LRP1B: variants seen among roughly 807,000 people sequenced by gnomAD.
LRP1B encodes the protein low-density lipoprotein receptor-related protein 1B.
In LRP1B, 217 loss-of-function variants were observed where a neutral mutation model predicts 556.6. The observed-to-expected ratio is 0.39, with a 90% CI of 0.35 to 0.44. The LOEUF is 0.44. Ranked by LOEUF, LRP1B falls within the 20% of genes least tolerant of loss-of-function variation. LRP1B has a pLI of 1.00. For missense variants in LRP1B, 5,053 were observed against 5,620.8 expected (o/e 0.90, Z 3.23); for synonymous variants, 2,047 against 1,865.8 (o/e 1.10, Z -2.50).
At chr2:140,435,065 G>C (rs1410167312) in intron 66 of LRP1B, among the ~76,000 whole-genome samples, 1 of 152,054 alleles carries the variant, frequency 6.6e-6, no homozygotes, top group Non-Finnish European at 1.5e-5. Context: ...AAGCAAAACT[G>C]AGTAATAGCT....
chr2:141,422,797 C>A (rs946422915), intron 3 of LRP1B, among the ~76,000 whole-genome samples: 1 of 152,080 alleles, frequency 6.6e-6, no homozygotes, highest in Non-Finnish European at 1.5e-5. Context: ...TCTCAGTATG[C>A]CAAGCTATTT....
intron 2 of LRP1B, among the ~76,000 whole-genome samples, chr2:141,529,109 G>A (rs1365059560): frequency 6.6e-6 from 1 of 152,188 alleles, no homozygotes; most frequent in Non-Finnish European, 1.5e-5. Context: ...CGTGAAGCCT[G>A]GCCTGTGGCC....
chr2:141,176,369 G>A (rs1049953214), intron 7 of LRP1B, among the ~76,000 whole-genome samples: 5 of 151,996 alleles, frequency 3.3e-5, no homozygotes, highest in African/African-American at 1.2e-4. Flanking sequence ...GGATCATGAG[G>A]GAAGATTTCC....
At chr2:140,715,841 A>AT (rs983564636) in intron 37 of LRP1B, 132 bp downstream of exon 37, 1 of 161,490 alleles carries the variant, frequency 6.2e-6, no homozygotes, top group Non-Finnish European at 1.3e-5. Context: ...GAATATAAAC[A>AT]TTTTTTTCTG....
intron 18 of LRP1B, among the ~76,000 whole-genome samples, chr2:140,977,364 C>T (rs1186249617): frequency 6.6e-6 from 1 of 152,128 alleles, no homozygotes; most frequent in African/African-American, 2.4e-5. Flanking sequence ...TCCAGTTAAA[C>T]CTCTTTCTTT....
In LRP1B at chr2:141,923,446, ATGTG is replaced by A. The variant is rs56356725; in HGVS notation, c.83-113049_83-113046del. On this transcript the variant is annotated intron_variant, in intron 1 of 90. Transcript: ENST00000389484. ...ATAGTGACAAAGAGATTATATATAT[ATGTG>A]TGTGTGTGTGTGTGTGTGTGTGTGT... is the stretch of plus-strand genomic sequence containing the variant. 8.3e-3 allele frequency among the ~76,000 whole-genome samples: 679 copies of A among 81,650 alleles called. 8 individuals carry two copies. Among genetic ancestry groups the A allele is most frequent in the African/African-American group, 0.024 (514 of 21,078 alleles). 53.6% of individuals were successfully genotyped at this position (81,650 alleles called of 152,430 possible).
intron 17 of LRP1B, among the ~76,000 whole-genome samples, chr2:140,987,245 G>A (rs745886975): frequency 4.6e-5 from 7 of 151,998 alleles, no homozygotes; most frequent in Admixed American, 1.3e-4. Context: ...ATATACTGAC[G>A]AAAAGATCTA....
At chr2:141,127,073 T>C (rs1163729872) in intron 7 of LRP1B, among the ~76,000 whole-genome samples, 2 of 149,276 alleles carry the variant, frequency 1.3e-5, no homozygotes, top group Non-Finnish European at 3.0e-5. Flanking sequence ...TGTGTTCTCA[T>C]TGTTCAGCTC....
At chr2:141,948,623 G>A (rs868645597) in intron 1 of LRP1B, among the ~76,000 whole-genome samples, 1 of 151,926 alleles carries the variant, frequency 6.6e-6, no homozygotes, top group Non-Finnish European at 1.5e-5. Context: ...AACTCTTGAT[G>A]AGCATTGAAG....
chr2:141,331,522 C>CTTTCTT lies in LRP1B; in HGVS notation c.344-76882_344-76881insAAGAAA, dbSNP rs10694161. Reference sequence around the variant, plus strand: ...TCTTTCCTTCTTTCTTTCTTTCTTTCTCTTTCTTTCTTTCTTTCTTTCTTT... The same window carrying CTTTCTT: ...TCTTTCCTTCTTTCTTTCTTTCTTTCTTTCTTTCTTTCTTTCTTTCTTTCTTTCTTT... On this transcript the variant is annotated intron_variant, in intron 3 of 90. Coordinates refer to ENST00000389484, the MANE Select transcript of LRP1B (RefSeq NM_018557.3). Among the ~76,000 whole-genome samples, 454 of 140,820 alleles carry CTTTCTT rather than the reference C, an allele frequency of 3.2e-3. 8 individuals are homozygous for CTTTCTT. The highest frequency in any genetic ancestry group is 0.012 in the African/African-American group (416 of 34,794). The allele number at this position is 140,820 out of a possible 152,430, so 92.4% of individuals were successfully genotyped here.
intron 31 of LRP1B, among the ~76,000 whole-genome samples, chr2:140,828,434 C>A (rs1366896900): frequency 6.9e-6 from 1 of 144,294 alleles, no homozygotes; most frequent in Non-Finnish European, 1.5e-5. Context: ...ACGGTGAAAC[C>A]CCGTCTCTAC....
rs1054828546 is a variant in LRP1B, at chr2:140,475,181, A to T, written c.9582T>A (p.Asn3194Lys). 5 of 1,605,464 alleles carry T rather than the reference A, an allele frequency of 3.1e-6. No homozygotes were observed. Among genetic ancestry groups the T allele is most frequent in the African/African-American group, 2.7e-5 (2 of 74,640 alleles). Residue 3194 changes from asparagine to lysine, a missense_variant, in exon 60 of 91, where the codon AAT becomes AAA. Asn to Lys is a moderately conservative substitution (Grantham distance 94, BLOSUM62 0). This residue lies in a region of LRP1B where 3,619 missense variants were observed against 3,931.9 expected (regional missense o/e 0.92). Transcript: ENST00000389484. ...CATCCATGTTGCTAAATTCAATGTG[A>T]TTTTCATCGGCCCAGTAGAGTCTAC... ...VNRRLYWADE[N>K]HIEFSNMDGS...
chr2:141,692,001 C>T (rs185743481), intron 2 of LRP1B, among the ~76,000 whole-genome samples: 3 of 151,950 alleles, frequency 2.0e-5, no homozygotes, highest in Non-Finnish European at 2.9e-5. Flanking sequence ...ACAATATAGT[C>T]ATTATGCCTG....
At chr2:142,091,467 A>G (rs1162914873) in intron 1 of LRP1B, among the ~76,000 whole-genome samples, 1 of 152,266 alleles carries the variant, frequency 6.6e-6, no homozygotes, top group South Asian at 2.1e-4. Flanking sequence ...CTAAAACCTG[A>G]AGAAAAACTT....
chr2:141,076,246 T>C (rs1282976862), intron 7 of LRP1B, among the ~76,000 whole-genome samples: 3 of 152,184 alleles, frequency 2.0e-5, no homozygotes, highest in African/African-American at 7.2e-5. Flanking sequence ...TGGCAAAACA[T>C]GCATTTTGAT....
intron 3 of LRP1B, among the ~76,000 whole-genome samples, chr2:141,432,792 G>C (rs1680608803): frequency 6.6e-6 from 1 of 151,606 alleles, no homozygotes; most frequent in Non-Finnish European, 1.5e-5. Context: ...TGAGTATTTT[G>C]CTTTTTTTTC....
At chr2:141,494,833 CACACAA>C (rs1333207361) in intron 2 of LRP1B, among the ~76,000 whole-genome samples, 6 of 111,154 alleles carry the variant, frequency 5.4e-5, no homozygotes, top group Non-Finnish European at 1.0e-4. Flanking sequence ...GAAACACACA[CACACAA>C]ACACACACAC....
Position 141,229,340 on chromosome 2 carries a change from A to G in LRP1B, c.693T>C (p.Asn231=). 9 of 1,612,908 alleles carry G rather than the reference A, an allele frequency of 5.6e-6. No homozygotes were observed. Among genetic ancestry groups the G allele is most frequent in the South Asian group, 2.2e-5 (2 of 91,002 alleles). The change falls in exon 6 of 91, where the codon AAT becomes AAC. Residue 231 remains asparagine, a synonymous_variant. Coordinates refer to ENST00000389484, the MANE Select transcript of LRP1B (RefSeq NM_018557.3). ...GSKMATLSSV[N]GNEIHTLDFI... ...AATCCAGAGTATGAATTTCATTTCC[A>G]TTGACTGAGCTTAGAGTTGCCATTT...
chr2:140,328,743 T>TGACA (rs1680631394), intron 79 of LRP1B, among the ~76,000 whole-genome samples: 4 of 152,062 alleles, frequency 2.6e-5, no homozygotes, highest in African/African-American at 9.7e-5. Context: ...TAAAAAATTG[T>TGACA]TAGAGTTTCA....
Sources: allele counts gnomAD v4.1 joint callset (sites outside exome capture counted in the v4.1 genomes callset), GRCh38; gene constraint gnomAD v4.1.1; regional missense constraint gnomAD v4.1.1; transcripts MANE v1.5; gene names NCBI Gene and HGNC (gene_info 2026-07-23, HGNC 2026-07-21).